DENND10: variants seen among roughly 807,000 people sequenced by gnomAD.
DENND10 encodes DENN domain-containing protein 10.
In DENND10, 24 loss-of-function variants were observed where a neutral mutation model predicts 43.6. The observed-to-expected ratio is 0.55, with a 90% CI of 0.40 to 0.77. The LOEUF is 0.77. Among genes scored for constraint, DENND10 ranks in the 30% least tolerant of loss-of-function variants. DENND10 has a pLI of 0.00. For missense variants in DENND10, 303 were observed against 429.9 expected (o/e 0.70, Z 2.61); for synonymous variants, 125 against 157.6 (o/e 0.79, Z 1.55).
At chr10:119,127,062 C>T (rs1031362223) in intron 6 of DENND10, among the ~76,000 whole-genome samples, 6 of 150,674 alleles carry the variant, frequency 4.0e-5, no homozygotes, top group South Asian at 2.1e-4. Context: ...CCATGCCTGG[C>T]TAATTTTTGT....
intron 6 of DENND10, among the ~76,000 whole-genome samples, chr10:119,129,103 A>C (rs1845964816): frequency 6.6e-6 from 1 of 152,148 alleles, no homozygotes. Flanking sequence ...CTAATTCCTG[A>C]GTTGCCCTGA....
intron 2 of DENND10, among the ~76,000 whole-genome samples, chr10:119,111,097 C>T (rs1844950443): frequency 6.6e-6 from 1 of 151,306 alleles, no homozygotes; most frequent in Non-Finnish European, 1.5e-5. Flanking sequence ...ACTGTCTCTA[C>T]TGAAAATACA....
chr10:119,117,347 G>A (rs562396525), intron 3 of DENND10, among the ~76,000 whole-genome samples, 172 bp from the exon 4 acceptor site: 11 of 152,104 alleles, frequency 7.2e-5, no homozygotes, highest in Non-Finnish European at 1.0e-4. Flanking sequence ...ACTCCAGCCC[G>A]GGCGACAGAG....
intron 6 of DENND10, among the ~76,000 whole-genome samples, chr10:119,125,320 TC>T (rs1312321010): frequency 6.6e-6 from 1 of 151,914 alleles, no homozygotes; most frequent in Non-Finnish European, 1.5e-5. Flanking sequence ...CTTTTTTTTT[TC>T]ATCTTAACTT....
intron 7 of DENND10, among the ~76,000 whole-genome samples, chr10:119,131,318 C>T (rs1384817596): frequency 2.0e-5 from 3 of 152,114 alleles, no homozygotes; most frequent in Non-Finnish European, 4.4e-5. Context: ...ATTAGCCGGG[C>T]GTGGTGGCAG....
chr10:119,116,065 T>C (rs1845258250), intron 3 of DENND10, among the ~76,000 whole-genome samples: 1 of 152,086 alleles, frequency 6.6e-6, no homozygotes, highest in Non-Finnish European at 1.5e-5. Flanking sequence ...TGCCCGGCCC[T>C]CAAGTGATCT....
chr10:119,117,386 A>T, intron 3 of DENND10, 133 bp from the exon 4 acceptor site: 1 of 884,726 alleles, frequency 1.1e-6, no homozygotes, highest in African/African-American at 1.7e-5. Context: ...AAAACAGAAG[A>T]GTGAAGCATT....
At chr10:119,123,619 T>C in intron 6 of DENND10, 50 bp downstream of exon 6, 1 of 1,417,416 alleles carries the variant, frequency 7.1e-7, no homozygotes, top group Non-Finnish European at 9.8e-7. Context: ...TTTTTTTTTT[T>C]TTTTCCTGAG....
intron 5 of DENND10, 126 bp from the exon 6 acceptor site, chr10:119,123,343 C>A: frequency 1.5e-6 from 1 of 666,278 alleles, no homozygotes; most frequent in Non-Finnish European, 2.7e-6. Context: ...CTTGGTCTCA[C>A]CTCTGTCCCT....
chr10:119,108,122 T>A lies in DENND10; in HGVS notation c.210T>A (p.Tyr70Ter), dbSNP rs1844785544. ...GTCAGTACAGAAGAACATGGTTTTA[T>A]ATCACAACAATTGAAGTTCCAGATT... Reference protein sequence around the residue: ...VFGQYRRTWFYITTIEVPDSS... With the variant: ...VFGQYRRTWF The change falls in exon 2 of 9, where the codon TAT becomes TAA. Residue 70 changes from tyrosine to a stop codon, truncating the protein, a stop_gained. Transcript: ENST00000361432. LOFTEE classifies it high-confidence loss of function. 4 of 1,613,962 alleles carry A rather than the reference T, an allele frequency of 2.5e-6. No individual in the cohort carries two copies. The highest frequency in any genetic ancestry group is 3.4e-6 in the Non-Finnish European group (4 of 1,179,860).
Position 119,121,742 on chromosome 10 carries a change from T to G in DENND10, c.593+1290T>G, listed in dbSNP as rs141067878. On this transcript the variant is annotated intron_variant, in intron 5 of 8. Transcript: ENST00000361432. ...TGCTGGGATTACAGGCATGAGCCAC[T>G]GTGCCCGGCCAGGTCCTTCTTTAAA... Among the ~76,000 whole-genome samples the G allele has an allele frequency of 0.015, 2,205 of 151,882 alleles. 125 individuals are homozygous for G. In the East Asian group the frequency reaches 0.18, roughly 12 times the overall value.
chr10:119,117,366 T>A (rs1344287481), intron 3 of DENND10, among the ~76,000 whole-genome samples, 153 bp from the exon 4 acceptor site: 1 of 151,846 alleles, frequency 6.6e-6, no homozygotes, highest in Admixed American at 6.6e-5. Context: ...AGTGAGACTC[T>A]GTCTCAAAAA....
chr10:119,134,113 A>T (rs61874336), intron 8 of DENND10: 1 of 152,162 alleles, frequency 6.6e-6, no homozygotes, highest in Non-Finnish European at 1.5e-5. Context: ...GGCTCACTGC[A>T]ACCTCCACCA....
At chr10:119,110,007 C>G (rs966768961) in intron 2 of DENND10, among the ~76,000 whole-genome samples, 1 of 151,820 alleles carries the variant, frequency 6.6e-6, no homozygotes, top group African/African-American at 2.4e-5. Context: ...GAGATGAGGT[C>G]TCACTCTGTT....
At chr10:119,135,109 G>A (rs1374321872) in intron 8 of DENND10, 1 of 150,172 alleles carries the variant, frequency 6.7e-6, no homozygotes, top group East Asian at 2.0e-4. Flanking sequence ...GGGTTGCAGC[G>A]AGCCGAGATT....
intron 4 of DENND10, among the ~76,000 whole-genome samples, chr10:119,119,282 G>A (rs1332968606): frequency 6.6e-6 from 1 of 151,702 alleles, no homozygotes; most frequent in East Asian, 1.9e-4. Flanking sequence ...AGGATTCCAG[G>A]CATGAGCTTC....
intron 6 of DENND10, among the ~76,000 whole-genome samples, chr10:119,124,241 T>C: frequency 6.6e-6 from 1 of 151,484 alleles, no homozygotes; most frequent in Non-Finnish European, 1.5e-5. Context: ...TTTACCTTTT[T>C]TTGGCCGGGC....
At chr10:119,112,199 G>A (rs998737441) in intron 3 of DENND10, among the ~76,000 whole-genome samples, 1 of 152,126 alleles carries the variant, frequency 6.6e-6, no homozygotes, top group Non-Finnish European at 1.5e-5. Context: ...CTTTTGATCT[G>A]TTACTTCTGT....
At chr10:119,107,930 T>C in intron 1 of DENND10, 38 bp from the exon 2 acceptor site, 3 of 1,581,772 alleles carry the variant, frequency 1.9e-6, no homozygotes, top group South Asian at 2.2e-5. Context: ...TCCTTGCTGC[T>C]GTTTGACATT....
Sources: allele counts gnomAD v4.1 joint callset (sites outside exome capture counted in the v4.1 genomes callset), GRCh38; gene constraint gnomAD v4.1.1; transcripts MANE v1.5; gene names NCBI Gene and HGNC (gene_info 2026-07-23, HGNC 2026-07-21).